EVA1C: variants seen among roughly 807,000 people sequenced by gnomAD.
The protein encoded by EVA1C is eva-1 homolog C, also known as protein eva-1 homolog C.
EVA1C carries 25 observed loss-of-function variants against 45.4 expected under a neutral mutation model. The ratio of observed to expected loss-of-function variants is 0.55; its 90% CI spans 0.40 to 0.77. The LOEUF (loss-of-function observed/expected upper bound fraction) is 0.77, where lower values mean the gene tolerates loss of function less well. Among genes scored for constraint, EVA1C ranks in the 30% least tolerant of loss-of-function variants. EVA1C has a pLI of 0.00. For synonymous variants in EVA1C, 190 were observed against 221.2 expected (o/e 0.86, Z 1.25); for missense variants, 479 against 554.8 (o/e 0.86, Z 1.37).
rs1353804842 is a variant in EVA1C at position 32,507,559 on chromosome 21, T to TG, written c.949+3544_949+3545insG. ...ATGTGTGCGTCTGTATGTATGCGTG[T>TG]TTTTGTGTGTGCATGTGTATATGTG... On this transcript the variant is annotated intron_variant, in intron 7 of 7. Coordinates refer to ENST00000300255, the MANE Select transcript of EVA1C (RefSeq NM_058187.5). Among the ~76,000 whole-genome samples the TG allele has an allele frequency of 6.6e-5, 10 of 151,852 alleles. No individual in the cohort carries two copies. In the East Asian group the frequency reaches 1.9e-3, roughly 29 times the overall value.
chr21:32,488,818 C>T (rs572009068), intron 4 of EVA1C, among the ~76,000 whole-genome samples: 1 of 151,952 alleles, frequency 6.6e-6, no homozygotes, highest in Non-Finnish European at 1.5e-5. Context: ...ACTCCTGACC[C>T]CAGGTGATCC....
At chr21:32,493,449 G>T (rs886865468) in intron 4 of EVA1C, among the ~76,000 whole-genome samples, 1 of 151,906 alleles carries the variant, frequency 6.6e-6, no homozygotes, top group Admixed American at 6.6e-5. Context: ...CGCTGTGGTC[G>T]CCCCGCCTAC....
chr21:32,500,343 G>T (rs2037489135), intron 5 of EVA1C, among the ~76,000 whole-genome samples: 2 of 151,830 alleles, frequency 1.3e-5, no homozygotes, highest in Admixed American at 1.3e-4. Flanking sequence ...TAGAGATGGG[G>T]TTTCGCCATG....
At chr21:32,426,688 C>T (rs1046297621) in intron 1 of EVA1C, among the ~76,000 whole-genome samples, 3 of 152,076 alleles carry the variant, frequency 2.0e-5, no homozygotes, top group African/African-American at 2.4e-5. Flanking sequence ...AAGGAGGAGT[C>T]GACGGACTCC....
At chr21:32,500,817 C>CT (rs35107337) in intron 5 of EVA1C, among the ~76,000 whole-genome samples, 20,476 of 146,712 alleles carry the variant, frequency 0.14, 1,479 homozygotes, top group Middle Eastern at 0.31. Context: ...CGGTACTTCA[C>CT]TTTTTTTTTT....
intron 5 of EVA1C, 128 bp downstream of exon 5, chr21:32,495,298 T>A: frequency 1.1e-6 from 1 of 880,188 alleles, no homozygotes; most frequent in Non-Finnish European, 1.7e-6. Flanking sequence ...TGTTTGGTCA[T>A]CCCAGATACC....
chr21:32,419,085 T>C (rs2034160703), intron 1 of EVA1C, among the ~76,000 whole-genome samples: 1 of 152,334 alleles, frequency 6.6e-6, no homozygotes, highest in Non-Finnish European at 1.5e-5. Flanking sequence ...AATGTTTCTG[T>C]TCATAATGTT....
In EVA1C at chr21:32,507,451, C is replaced by T. The variant is rs192701992; in HGVS notation, c.949+3436C>T. 6.2e-4 allele frequency among the ~76,000 whole-genome samples: 86 copies of T among 139,724 alleles called. 1 individual carries two copies. In the South Asian group the frequency reaches 6.3e-3, roughly 10 times the overall value. 91.7% of individuals were successfully genotyped at this position (139,724 alleles called of 152,430 possible). A position where few individuals can be genotyped will look rare whatever the true frequency, so the allele number is the denominator to read the frequency against. ...ACGTGTGTGTGCATAGGTGTCTATG[C>T]GTGTGCGTGTGTGCATGTGTGCATG... On this transcript the variant is annotated intron_variant, in intron 7 of 7. Coordinates refer to ENST00000300255, the MANE Select transcript of EVA1C (RefSeq NM_058187.5).
intron 7 of EVA1C, among the ~76,000 whole-genome samples, chr21:32,512,075 C>T (rs375063791): frequency 8.6e-5 from 13 of 151,592 alleles, no homozygotes; most frequent in African/African-American, 2.4e-4. Flanking sequence ...TACATAGAGA[C>T]GGAAAATAAA....
intron 4 of EVA1C, among the ~76,000 whole-genome samples, 195 bp from the exon 5 acceptor site, chr21:32,494,832 C>T (rs143543425): frequency 1.1e-3 from 160 of 151,834 alleles, no homozygotes; most frequent in African/African-American, 3.6e-3. Context: ...AAAACCAGCT[C>T]TGGGACTTCT....
intron 3 of EVA1C, among the ~76,000 whole-genome samples, chr21:32,461,746 A>G (rs1211877054): frequency 5.9e-5 from 9 of 152,314 alleles, no homozygotes; most frequent in African/African-American, 2.2e-4. Context: ...TTTACCAGCA[A>G]GGCTCACCGG....
At chr21:32,447,490 A>T (rs2035406765) in intron 1 of EVA1C, among the ~76,000 whole-genome samples, 1 of 152,026 alleles carries the variant, frequency 6.6e-6, no homozygotes, top group African/African-American at 2.4e-5. Flanking sequence ...ACAATTATTT[A>T]AAAATCTCTC....
At chr21:32,446,703 C>T (rs1006163357) in intron 1 of EVA1C, among the ~76,000 whole-genome samples, 4 of 152,132 alleles carry the variant, frequency 2.6e-5, no homozygotes, top group Non-Finnish European at 5.9e-5. Context: ...GCAGCTGGCT[C>T]CTGCTCCACC....
At chr21:32,485,993 G>C (rs746299707) in intron 4 of EVA1C, among the ~76,000 whole-genome samples, 6 of 152,196 alleles carry the variant, frequency 3.9e-5, no homozygotes, top group African/African-American at 1.4e-4. Flanking sequence ...TAAGGTTTCG[G>C]CATAAACAGT....
In EVA1C at chr21:32,412,971, C is replaced by T; in HGVS notation, c.118C>T (p.Leu40=). Residue 40 remains leucine (L), a synonymous_variant, in exon 1 of 8, where the codon CTG becomes TTG. Coordinates refer to ENST00000300255, the MANE Select transcript of EVA1C (RefSeq NM_058187.5). ...CCTGCGCCTCTTCTACTGCACTGTC[C>T]TGGTCTGCTCCAAAGAGATCTCAGC... ...QLLRLFYCTV[L]VCSKEISALT... is the part of the protein sequence containing the mutation. 1 of 1,521,542 alleles carries T rather than the reference C, an allele frequency of 6.6e-7. No individual in the cohort carries two copies. The highest frequency in any genetic ancestry group is 8.8e-7 in the Non-Finnish European group (1 of 1,134,488). The allele number at this position is 1,521,542 out of a possible 1,614,324, so 94.3% of individuals were successfully genotyped here.
rs140929659 is a variant in EVA1C at position 32,458,481 on chromosome 21, AC to A, written c.481+762del. 1.2e-3 allele frequency among the ~76,000 whole-genome samples: 170 copies of A among 141,108 alleles called. 4 individuals are homozygous for A. The highest frequency in any genetic ancestry group is 2.3e-3 in the African/African-American group (88 of 37,578). The allele number at this position is 141,108 out of a possible 152,430, so 92.6% of individuals were successfully genotyped here. A position where few individuals can be genotyped will look rare whatever the true frequency, so the allele number is the denominator to read the frequency against. ...TAACCAAAAAAATGAGAAGTTAAGC[AC>A]TTTTTTTTTTTTTTTTTGAGACAGA... On this transcript the variant is annotated intron_variant, in intron 3 of 7. Transcript: ENST00000300255.
intron 4 of EVA1C, 94 bp from the exon 5 acceptor site, chr21:32,494,933 A>G (rs1005007736): frequency 7.7e-7 from 1 of 1,301,226 alleles, no homozygotes; most frequent in African/African-American, 1.5e-5. Context: ...ATTTGAATCC[A>G]GCTCAGCATA....
At chr21:32,508,794 C>T (rs2037856772) in intron 7 of EVA1C, among the ~76,000 whole-genome samples, 1 of 152,190 alleles carries the variant, frequency 6.6e-6, no homozygotes. Flanking sequence ...TGAGCTGGAG[C>T]GTGCATTTGC....
chr21:32,496,865 G>C, intron 5 of EVA1C: 1 of 983,156 alleles, frequency 1.0e-6, no homozygotes, highest in South Asian at 1.3e-5. Flanking sequence ...GCTAAATCTG[G>C]AGATATATTC....
Sources: gnomAD v4.1 joint callset for allele counts (sites outside exome capture counted in the v4.1 genomes callset) on GRCh38, gnomAD v4.1.1 for gene constraint, MANE v1.5 for transcripts, NCBI Gene and HGNC (gene_info 2026-07-23, HGNC 2026-07-21) for gene names.